Variants in DOCK5 observed in about 807,000 individuals in gnomAD.
The protein encoded by DOCK5 is dedicator of cytokinesis 5, also known as dedicator of cytokinesis protein 5.
DOCK5 carries 142 observed loss-of-function variants against 251.8 expected under a neutral mutation model. The observed-to-expected ratio is 0.56, with a 90% CI of 0.49 to 0.65. The LOEUF (loss-of-function observed/expected upper bound fraction) is 0.65, where lower values mean the gene tolerates loss of function less well. DOCK5 is among the 30% of genes least tolerant of loss of function. The probability of loss-of-function intolerance (pLI) is 0.00; values close to 1 mark genes in which losing one functional copy is unlikely to be tolerated. For synonymous variants in DOCK5, 842 were observed against 835.5 expected (o/e 1.01, Z -0.13); for missense variants, 2,111 against 2,312.3 (o/e 0.91, Z 1.79).
chr8:25,267,648 C>G (rs1226618009), intron 2 of DOCK5, among the ~76,000 whole-genome samples: 1 of 152,112 alleles, frequency 6.6e-6, no homozygotes, highest in Non-Finnish European at 1.5e-5. Flanking sequence ...TTCTTTTGCA[C>G]CAACCTGATA....
chr8:25,208,699 G>A (rs775047624), intron 1 of DOCK5, among the ~76,000 whole-genome samples: 15 of 152,150 alleles, frequency 9.9e-5, no homozygotes, highest in Non-Finnish European at 2.1e-4. Context: ...CAGGGGAACC[G>A]AAAAATTTGT....
chr8:25,381,932 T>C (rs1183225062), intron 39 of DOCK5, among the ~76,000 whole-genome samples: 1 of 152,218 alleles, frequency 6.6e-6, no homozygotes, highest in Non-Finnish European at 1.5e-5. Context: ...CACCACCTTC[T>C]GGGCACTTAT....
At chr8:25,350,867 C>G (rs1342093111) in intron 26 of DOCK5, among the ~76,000 whole-genome samples, 2 of 152,132 alleles carry the variant, frequency 1.3e-5, no homozygotes, top group African/African-American at 4.8e-5. Context: ...TCTCCTAATA[C>G]CATCACGATG....
At chr8:25,257,929 A>T (rs534487389) in intron 2 of DOCK5, among the ~76,000 whole-genome samples, 1 of 152,272 alleles carries the variant, frequency 6.6e-6, no homozygotes. Flanking sequence ...AGCTAGAGAA[A>T]TGCACCACAG....
At chr8:25,362,792 G>T (rs1014265328) in intron 28 of DOCK5, among the ~76,000 whole-genome samples, 1 of 152,076 alleles carries the variant, frequency 6.6e-6, no homozygotes, top group African/African-American at 2.4e-5. Flanking sequence ...CTCAGCCTCA[G>T]TTGTACCATT....
At chr8:25,369,096 C>A (rs912340039) in intron 33 of DOCK5, among the ~76,000 whole-genome samples, 31 of 152,278 alleles carry the variant, frequency 2.0e-4, no homozygotes, top group African/African-American at 6.5e-4. Flanking sequence ...AAGTTCTAAT[C>A]CATTACTCTG....
rs554374339 is a variant in DOCK5 at position 25,365,401 on chromosome 8, A to G, written c.3123+697A>G. Among the ~76,000 whole-genome samples the G allele has an allele frequency of 4.6e-5, 7 of 152,338 alleles. No individual in the cohort carries two copies. In the South Asian group the frequency reaches 1.0e-3, roughly 23 times the overall value. ...CTGTTATCAGTGGAGGTCCTTGACT[A>G]CAGATTGTCCAAGTTCTTGACGTTT... On this transcript the variant is annotated intron_variant, in intron 30 of 51. Transcript: ENST00000276440.
At chr8:25,227,367 TTTTG>T (rs1180051059) in intron 1 of DOCK5, among the ~76,000 whole-genome samples, 7 of 152,300 alleles carry the variant, frequency 4.6e-5, no homozygotes, top group African/African-American at 1.7e-4. Flanking sequence ...GGGAGTCTAA[TTTTG>T]TTTTTTTTTC....
chr8:25,364,343 C>T (rs893659134), intron 29 of DOCK5, among the ~76,000 whole-genome samples: 1 of 152,110 alleles, frequency 6.6e-6, no homozygotes, highest in Admixed American at 6.5e-5. Flanking sequence ...ATATATATTA[C>T]CCTCCTCTGA....
chr8:25,221,032 G>T (rs1727860014), intron 1 of DOCK5, among the ~76,000 whole-genome samples: 1 of 152,058 alleles, frequency 6.6e-6, no homozygotes, highest in African/African-American at 2.4e-5. Context: ...AAATTTCCCT[G>T]TTTCTTAGCA....
In DOCK5 at chr8:25,318,706, G is replaced by T. The variant is rs191052238; in HGVS notation, c.1444-872G>T. On this transcript the variant is annotated intron_variant, in intron 14 of 51. Coordinates refer to ENST00000276440, the MANE Select transcript of DOCK5 (RefSeq NM_024940.8). ...CTGACATCAAAGAGGATAGGCAGGA[G>T]GTGGTCACAGGAGGCTGCATGGCCT... Among the ~76,000 whole-genome samples the T allele has an allele frequency of 4.6e-5, 7 of 150,796 alleles. No individual in the cohort carries two copies. In the East Asian group the frequency reaches 7.8e-4, roughly 17 times the overall value.
intron 1 of DOCK5, among the ~76,000 whole-genome samples, chr8:25,203,993 T>A (rs1380923283): frequency 1.3e-5 from 2 of 152,226 alleles, no homozygotes; most frequent in East Asian, 3.9e-4. Flanking sequence ...GTCTTAGATG[T>A]CTTTATCTTC....
intron 1 of DOCK5, among the ~76,000 whole-genome samples, chr8:25,215,585 T>G (rs1034010066): frequency 6.6e-6 from 1 of 152,062 alleles, no homozygotes; most frequent in African/African-American, 2.4e-5. Flanking sequence ...GAGAAAGGAA[T>G]TCTTCCCAAG....
intron 3 of DOCK5, among the ~76,000 whole-genome samples, chr8:25,273,953 C>T (rs1803979449): frequency 1.3e-5 from 2 of 152,150 alleles, no homozygotes; most frequent in African/African-American, 4.8e-5. Context: ...CGCCTGCCCC[C>T]GTCTCAAAGC....
At position 25,184,820 on chromosome 8, in the gene DOCK5, G is replaced by A. The variant is rs935823771; in HGVS notation, c.-89G>A. 3.4e-6 allele frequency: 4 copies of A among 1,178,736 alleles called. No individual in the cohort carries two copies. The African/African-American group carries it at 4.8e-5, about 14-fold the overall frequency. 73.0% of individuals were successfully genotyped at this position (1,178,736 alleles called of 1,614,324 possible). On this transcript the variant is annotated 5_prime_UTR_variant, in exon 1 of 52. Transcript: ENST00000276440. Reference sequence around the variant, plus strand: ...TGGCGGAACATGGCGGAAGCGTCTGGGGCACGCAGGAGCGCGGGGCGGCGG... The same window carrying A: ...TGGCGGAACATGGCGGAAGCGTCTGAGGCACGCAGGAGCGCGGGGCGGCGG...
At chr8:25,295,437 G>A (rs1170341144) in intron 6 of DOCK5, among the ~76,000 whole-genome samples, 2 of 152,006 alleles carry the variant, frequency 1.3e-5, no homozygotes, top group Middle Eastern at 3.2e-3. Flanking sequence ...GGTAAGGAAT[G>A]TATACAAATG....
intron 14 of DOCK5, 58 bp downstream of exon 14, chr8:25,317,189 A>C: frequency 6.3e-7 from 1 of 1,590,990 alleles, no homozygotes; most frequent in Non-Finnish European, 8.6e-7. Context: ...CAATCACGAT[A>C]GAATCTTGGC....
intron 1 of DOCK5, among the ~76,000 whole-genome samples, chr8:25,197,950 C>T (rs1801776236): frequency 6.6e-6 from 1 of 151,930 alleles, no homozygotes; most frequent in African/African-American, 2.4e-5. Context: ...CGGGGTTTCA[C>T]TGTGTTAGCC....
At chr8:25,229,055 A>G (rs1392916165) in intron 1 of DOCK5, among the ~76,000 whole-genome samples, 1 of 148,234 alleles carries the variant, frequency 6.7e-6, no homozygotes, top group African/African-American at 2.5e-5. Flanking sequence ...ACGTAGTAAG[A>G]CCTCATGTCT....
Sources: gnomAD v4.1 joint callset for allele counts (sites outside exome capture counted in the v4.1 genomes callset) on GRCh38, gnomAD v4.1.1 for gene constraint, MANE v1.5 for transcripts, NCBI Gene and HGNC (gene_info 2026-07-23, HGNC 2026-07-21) for gene names.